Variants in PSMD14 observed in about 807,000 individuals in gnomAD.
The protein encoded by PSMD14 is proteasome 26S subunit, non-ATPase 14, also known as ubiquitin C-terminal hydrolase PSMD14.
In PSMD14, 7 loss-of-function variants were observed where a neutral mutation model predicts 41.2. That is an observed-to-expected ratio of 0.17 (90% CI 0.10 to 0.32). The LOEUF is 0.32. Among genes scored for constraint, PSMD14 ranks in the 10% least tolerant of loss-of-function variants. The pLI, the probability that PSMD14 is intolerant of heterozygous loss-of-function variation, is 1.00. For missense variants in PSMD14, 139 were observed against 375.6 expected (o/e 0.37, Z 5.21); for synonymous variants, 114 against 122.3 (o/e 0.93, Z 0.45).
At chr2:161,376,328 AT>A (rs1281146469) in intron 7 of PSMD14, among the ~76,000 whole-genome samples, 5 of 151,948 alleles carry the variant, frequency 3.3e-5, no homozygotes, top group Middle Eastern at 3.4e-3. Context: ...ATGAGGTAAT[AT>A]ATGTAGAGAT....
intron 5 of PSMD14, among the ~76,000 whole-genome samples, chr2:161,369,553 A>G (rs1190210141): frequency 6.6e-6 from 1 of 152,082 alleles, no homozygotes; most frequent in Non-Finnish European, 1.5e-5. Context: ...CATTAGATTT[A>G]GATTCCTGAG....
chr2:161,368,366 A>G (rs547994910), intron 5 of PSMD14, among the ~76,000 whole-genome samples: 1 of 152,202 alleles, frequency 6.6e-6, no homozygotes, highest in African/African-American at 2.4e-5. Context: ...AGCTTTTCTT[A>G]TTTAAAATGT....
chr2:161,344,130 G>A (rs1448101593), intron 3 of PSMD14, among the ~76,000 whole-genome samples: 2 of 151,318 alleles, frequency 1.3e-5, no homozygotes, highest in Non-Finnish European at 2.9e-5. Context: ...GGTGGGGAGC[G>A]GTGGGGGGAG....
At chr2:161,346,233 A>G (rs1436840166) in intron 3 of PSMD14, among the ~76,000 whole-genome samples, 1 of 151,566 alleles carries the variant, frequency 6.6e-6, no homozygotes, top group Non-Finnish European at 1.5e-5. Flanking sequence ...TGTATTTTTT[A>G]TTTTGCATTG....
At chr2:161,373,597 C>G (rs1574134288) in intron 7 of PSMD14, among the ~76,000 whole-genome samples, 1 of 151,806 alleles carries the variant, frequency 6.6e-6, no homozygotes, top group South Asian at 2.1e-4. Flanking sequence ...GTCTCCCTCT[C>G]CCTTTTCCTG....
chr2:161,372,405 C>T (rs1465322155), intron 7 of PSMD14, among the ~76,000 whole-genome samples: 25 of 151,920 alleles, frequency 1.6e-4, no homozygotes, highest in Non-Finnish European at 3.4e-4. Context: ...TGTTAAAATA[C>T]GGAGTTTTTA....
At chr2:161,361,692 A>G (rs1683291157) in intron 3 of PSMD14, among the ~76,000 whole-genome samples, 1 of 152,232 alleles carries the variant, frequency 6.6e-6, no homozygotes, top group East Asian at 1.9e-4. Context: ...AGATGATTTA[A>G]TAGTGGGAAA....
rs1221425250 is a variant in PSMD14 at position 161,309,820 on chromosome 2, G to GT, written c.-138+1225dup. On this transcript the variant is annotated intron_variant, in intron 1 of 11. Transcript: ENST00000409682. ...TGACTTTGGGAGTTTTTGGTTTTTT[G>GT]TTTTTTTTTCAGCCTAAAGTGCTTG... 3.2e-4 allele frequency among the ~76,000 whole-genome samples: 48 copies of GT among 149,504 alleles called. No individual in the cohort carries two copies. The South Asian group carries it at 4.1e-3, about 13-fold the overall frequency.
At chr2:161,396,389 AACAG>A (rs1215539682) in intron 10 of PSMD14, among the ~76,000 whole-genome samples, 1 of 152,160 alleles carries the variant, frequency 6.6e-6, no homozygotes, top group African/African-American at 2.4e-5. Flanking sequence ...AGTGTCAATC[AACAG>A]ACAGATAAAG....
At chr2:161,352,176 TG>T (rs1298341721) in intron 3 of PSMD14, among the ~76,000 whole-genome samples, 2 of 152,196 alleles carry the variant, frequency 1.3e-5, no homozygotes, top group Non-Finnish European at 2.9e-5. Context: ...ATGAAATCCT[TG>T]TTTTATAAGT....
rs146308788 is a variant in PSMD14, at chr2:161,357,540, T to C, written c.49-9938T>C. Among the ~76,000 whole-genome samples, 522 of 152,332 alleles carry C rather than the reference T, an allele frequency of 3.4e-3. 2 individuals are homozygous for C. Among genetic ancestry groups the C allele is most frequent in the African/African-American group, 0.01 (423 of 41,586 alleles). On this transcript the variant is annotated intron_variant, in intron 3 of 11. Coordinates refer to ENST00000409682, the MANE Select transcript of PSMD14 (RefSeq NM_005805.6). ...GTAGGAATTTAGTATTGAGGATTTATATAGCAAAAGTAATTATTTCAGTTC... is the reference window on the plus strand; with the variant it reads ...GTAGGAATTTAGTATTGAGGATTTACATAGCAAAAGTAATTATTTCAGTTC...
intron 3 of PSMD14, chr2:161,341,044 G>C (rs573712508): frequency 6.3e-7 from 1 of 1,597,170 alleles, no homozygotes; most frequent in African/African-American, 1.3e-5. Flanking sequence ...GGATCCCCTG[G>C]CCCTTCGGGC....
intron 8 of PSMD14, among the ~76,000 whole-genome samples, chr2:161,389,934 T>A (rs1683690889): frequency 7.1e-6 from 1 of 139,876 alleles, no homozygotes. Context: ...ATTGCTATGT[T>A]GTCCAGGCTG....
chr2:161,400,887 C>T (rs190556394), intron 10 of PSMD14, among the ~76,000 whole-genome samples: 17 of 151,384 alleles, frequency 1.1e-4, no homozygotes, highest in African/African-American at 2.4e-4. Context: ...ATGTCACAAA[C>T]GCATAAAATA....
chr2:161,341,204 G>A lies in PSMD14; in HGVS notation c.48+22331G>A. Reference sequence around the variant, plus strand: ...CCTCGGCCGGGGGCGCGGGTTCCGGGGGCGCGCGGGCAGGCTCCGGGCTCG... The same window carrying A: ...CCTCGGCCGGGGGCGCGGGTTCCGGAGGCGCGCGGGCAGGCTCCGGGCTCG... On this transcript the variant is annotated intron_variant, in intron 3 of 11. Transcript: ENST00000409682. The A allele has an allele frequency of 1.3e-5, 13 of 963,636 alleles. No individual in the cohort carries two copies. The South Asian group carries it at 5.2e-4, about 39-fold the overall frequency. 59.7% of individuals were successfully genotyped at this position (963,636 alleles called of 1,614,324 possible). A position where few individuals can be genotyped will look rare whatever the true frequency, so the allele number is the denominator to read the frequency against.
At chr2:161,325,453 T>A (rs573616510) in intron 3 of PSMD14, among the ~76,000 whole-genome samples, 31 of 152,316 alleles carry the variant, frequency 2.0e-4, no homozygotes, top group Admixed American at 3.9e-4. Context: ...TTGTTTCAAT[T>A]GTTTGTCTCA....
chr2:161,389,883 T>TTTTGTTG (rs1683685004), intron 8 of PSMD14, among the ~76,000 whole-genome samples: 1 of 50,480 alleles, frequency 2.0e-5, no homozygotes, highest in Non-Finnish European at 3.8e-5. Flanking sequence ...TTCTTTCTTT[T>TTTTGTTG]TTGTTGTTTT....
intron 5 of PSMD14, among the ~76,000 whole-genome samples, chr2:161,369,764 TATG>T (rs1340832196): frequency 6.6e-6 from 1 of 152,092 alleles, no homozygotes; most frequent in Non-Finnish European, 1.5e-5. Flanking sequence ...AGTCATCAGT[TATG>T]ATAGGATGGC....
At chr2:161,410,563 T>C (rs1234010676) in intron 11 of PSMD14, among the ~76,000 whole-genome samples, 1 of 152,060 alleles carries the variant, frequency 6.6e-6, no homozygotes, top group African/African-American at 2.4e-5. Flanking sequence ...TTAAATTAGT[T>C]TATTACAATA....
Sources: gnomAD v4.1 joint callset for allele counts (sites outside exome capture counted in the v4.1 genomes callset) on GRCh38, gnomAD v4.1.1 for gene constraint, MANE v1.5 for transcripts, NCBI Gene and HGNC (gene_info 2026-07-23, HGNC 2026-07-21) for gene names.